FHOD3: variants seen among roughly 807,000 people sequenced by gnomAD.
FHOD3 encodes formin homology 2 domain containing 3.
FHOD3 carries 90 observed loss-of-function variants against 173.0 expected under a neutral mutation model. The ratio of observed to expected loss-of-function variants is 0.52; its 90% CI spans 0.44 to 0.62. FHOD3 has a LOEUF of 0.62. Ranked by LOEUF, FHOD3 falls within the 20% of genes least tolerant of loss-of-function variation. The probability of loss-of-function intolerance (pLI) is 0.00; values close to 1 mark genes in which losing one functional copy is unlikely to be tolerated. For synonymous variants in FHOD3, 828 were observed against 823.0 expected (o/e 1.01, Z -0.10); for missense variants, 1,945 against 2,034.7 (o/e 0.96, Z 0.85).
At chr18:36,503,246 G>A (rs1296548861) in intron 4 of FHOD3, among the ~76,000 whole-genome samples, 2 of 152,152 alleles carry the variant, frequency 1.3e-5, no homozygotes, top group African/African-American at 2.4e-5. Flanking sequence ...GATGGTTTTT[G>A]CATTGAGCTT....
At chr18:36,488,133 T>C (rs1223510827) in intron 3 of FHOD3, among the ~76,000 whole-genome samples, 2 of 152,220 alleles carry the variant, frequency 1.3e-5, no homozygotes, top group African/African-American at 4.8e-5. Context: ...TGTGGCTGTT[T>C]CCATCTTGAA....
chr18:36,623,866 ACTGAGATGACAGTGG>A (rs754911922), intron 9 of FHOD3, among the ~76,000 whole-genome samples: 29 of 152,218 alleles, frequency 1.9e-4, no homozygotes, highest in Non-Finnish European at 3.4e-4. Context: ...GTCCCTGTGA[ACTGAGATGACAGTGG>A]CTAACCTGGC....
rs200417927 is a variant in FHOD3, at chr18:36,435,670, C to A, written c.337+62926C>A. Among the ~76,000 whole-genome samples, 4 of 152,212 alleles carry A rather than the reference C, an allele frequency of 2.6e-5. No homozygotes were observed. The East Asian group carries it at 7.7e-4, about 29-fold the overall frequency. On this transcript the variant is annotated intron_variant, in intron 3 of 28. Coordinates refer to ENST00000590592, the MANE Select transcript of FHOD3 (RefSeq NM_001281740.3). ...ATATAGAATGATATATGAAAAGCAA[C>A]CCATAGAACAAATGGAGTCAGTAAG...
intron 3 of FHOD3, among the ~76,000 whole-genome samples, chr18:36,467,086 G>A (rs763096825): frequency 1.3e-5 from 2 of 152,140 alleles, no homozygotes; most frequent in Non-Finnish European, 2.9e-5. Flanking sequence ...GGCCCTGACT[G>A]CTCCTGCTGA....
chr18:36,332,372 C>T (rs762174826), intron 1 of FHOD3, among the ~76,000 whole-genome samples: 2 of 152,182 alleles, frequency 1.3e-5, no homozygotes, highest in Non-Finnish European at 2.9e-5. Context: ...TAAGGCTTTG[C>T]CTTAAGGACA....
chr18:36,636,166 A>C (rs1346186481), intron 10 of FHOD3, among the ~76,000 whole-genome samples: 2 of 152,140 alleles, frequency 1.3e-5, no homozygotes, highest in African/African-American at 4.8e-5. Flanking sequence ...CTGTGTTCTG[A>C]ATGTTCACAG....
chr18:36,650,772 G>C (rs994329901), intron 11 of FHOD3, among the ~76,000 whole-genome samples: 3 of 152,162 alleles, frequency 2.0e-5, no homozygotes, highest in African/African-American at 7.2e-5. Flanking sequence ...AGACCAGATG[G>C]AAGAATCTGG....
intron 1 of FHOD3, among the ~76,000 whole-genome samples, chr18:36,326,141 T>G (rs138518186): frequency 5.3e-3 from 802 of 152,274 alleles, no homozygotes; most frequent in Non-Finnish European, 8.2e-3. Context: ...GCCCTGGGGT[T>G]TTCAGTCTGG....
intron 3 of FHOD3, among the ~76,000 whole-genome samples, chr18:36,391,985 C>G (rs907613996): frequency 6.6e-6 from 1 of 152,226 alleles, no homozygotes; most frequent in Non-Finnish European, 1.5e-5. Flanking sequence ...GTCATAGGCC[C>G]TGTGGCATGC....
intron 3 of FHOD3, among the ~76,000 whole-genome samples, chr18:36,499,369 G>C (rs1248454910): frequency 6.6e-6 from 1 of 152,164 alleles, no homozygotes; most frequent in African/African-American, 2.4e-5. Flanking sequence ...CTCCCAAAGT[G>C]CTGGGATTAC....
At chr18:36,338,965 G>A (rs2045470868) in intron 1 of FHOD3, among the ~76,000 whole-genome samples, 3 of 152,108 alleles carry the variant, frequency 2.0e-5, no homozygotes, top group Non-Finnish European at 4.4e-5. Flanking sequence ...AACAGATTGG[G>A]ATTCCTGAGT....
chr18:36,518,300 C>T (rs887314682), intron 5 of FHOD3, among the ~76,000 whole-genome samples: 3 of 152,178 alleles, frequency 2.0e-5, no homozygotes, highest in Non-Finnish European at 4.4e-5. Flanking sequence ...TCCTGTGTCC[C>T]ATGCAGCTGG....
intron 4 of FHOD3, 100 bp from the exon 5 acceptor site, chr18:36,512,338 A>T: frequency 1.2e-6 from 1 of 848,704 alleles, no homozygotes; most frequent in Non-Finnish European, 1.9e-6. Context: ...TGTAGGGTCC[A>T]TTCTGGCTTT....
intron 1 of FHOD3, among the ~76,000 whole-genome samples, chr18:36,353,183 T>C (rs1018266458): frequency 9.0e-4 from 137 of 152,344 alleles, no homozygotes; most frequent in African/African-American, 3.0e-3. Context: ...TGCTCAAGAA[T>C]GCTGAAATTC....
chr18:36,695,011 A>G (rs1467266132), intron 17 of FHOD3, among the ~76,000 whole-genome samples: 2 of 150,136 alleles, frequency 1.3e-5, no homozygotes, highest in Non-Finnish European at 1.5e-5. Flanking sequence ...GTGTGTGTGT[A>G]GTATGCATTT....
chr18:36,687,364 G>C (rs1280771933), intron 16 of FHOD3, among the ~76,000 whole-genome samples, 186 bp downstream of exon 16: 1 of 152,086 alleles, frequency 6.6e-6, no homozygotes, highest in Non-Finnish European at 1.5e-5. Context: ...GTTGTCATTT[G>C]GTGCCATCAT....
intron 3 of FHOD3, among the ~76,000 whole-genome samples, chr18:36,446,309 C>G (rs969791367): frequency 2.6e-5 from 4 of 152,126 alleles, no homozygotes; most frequent in African/African-American, 9.7e-5. Context: ...GCGGTGAAAT[C>G]ACCAGCAACG....
chr18:36,453,063 G>A (rs2144396334), intron 3 of FHOD3, among the ~76,000 whole-genome samples: 1 of 152,024 alleles, frequency 6.6e-6, no homozygotes, highest in South Asian at 2.1e-4. Flanking sequence ...TTGGATACTA[G>A]GGAAAACTGT....
chr18:36,365,704 A>AC (rs1409627092), intron 2 of FHOD3, among the ~76,000 whole-genome samples: 1 of 152,168 alleles, frequency 6.6e-6, no homozygotes. Context: ...CTTACAAAAA[A>AC]CGTGTAAGGG....
Sources: allele counts gnomAD v4.1 joint callset (sites outside exome capture counted in the v4.1 genomes callset), GRCh38; gene constraint gnomAD v4.1.1; transcripts MANE v1.5; gene names NCBI Gene and HGNC (gene_info 2026-07-23, HGNC 2026-07-21).